Variants in LGALS3 observed in about 807,000 individuals in gnomAD.
LGALS3 encodes the protein galectin-3.
In LGALS3, 18 loss-of-function variants were observed where a neutral mutation model predicts 20.7. The observed-to-expected ratio is 0.87, with a 90% CI of 0.60 to 1.29. The LOEUF (loss-of-function observed/expected upper bound fraction) is 1.29. LGALS3 is among the 50% of genes most tolerant of loss of function. The probability of loss-of-function intolerance (pLI) is 0.00; values close to 1 mark genes in which losing one functional copy is unlikely to be tolerated. For synonymous variants in LGALS3, 112 were observed against 119.6 expected (o/e 0.94, Z 0.42); for missense variants, 315 against 314.7 (o/e 1.00, Z -0.01).
At chr14:55,133,667 C>T (rs527716891) in intron 1 of LGALS3, among the ~76,000 whole-genome samples, 39 of 152,246 alleles carry the variant, frequency 2.6e-4, no homozygotes, top group African/African-American at 9.4e-4. Flanking sequence ...TCTAATGTGT[C>T]GAGACACAAT....
At chr14:55,135,860 C>T (rs1881379381) in intron 1 of LGALS3, among the ~76,000 whole-genome samples, 1 of 152,192 alleles carries the variant, frequency 6.6e-6, no homozygotes, top group South Asian at 2.1e-4. Flanking sequence ...CCACCACACC[C>T]AGCCAATATC....
intron 4 of LGALS3, among the ~76,000 whole-genome samples, chr14:55,140,814 C>CA (rs1336195012): frequency 6.6e-6 from 1 of 152,132 alleles, no homozygotes. Context: ...CATTATAAAT[C>CA]AACCTTTACT....
At chr14:55,141,487 G>A (rs141903952) in intron 4 of LGALS3, among the ~76,000 whole-genome samples, 123 of 152,210 alleles carry the variant, frequency 8.1e-4, no homozygotes, top group Non-Finnish European at 1.4e-3. Flanking sequence ...ACCCAGTTTG[G>A]TATCCTTGTC....
intron 1 of LGALS3, among the ~76,000 whole-genome samples, chr14:55,136,136 A>G (rs181014001): frequency 9.1e-4 from 139 of 152,244 alleles, no homozygotes; most frequent in African/African-American, 3.2e-3. Context: ...TGGAGCCTTG[A>G]CATGGGAAGG....
In LGALS3 at chr14:55,145,172, G is replaced by T. The variant is rs1024970414; in HGVS notation, c.654G>T (p.Leu218Phe). ...AGGTTGCAGTGAATGATGCTCACTT[G>T]TTGCAGTACAATCATCGGGTTAAAA... is the stretch of plus-strand genomic sequence containing the variant. ...HFKVAVNDAH[L>F]LQYNHRVKKL... The change falls in exon 6 of 6, where the codon TTG becomes TTT. Residue 218 changes from leucine (L) to phenylalanine (F), a missense_variant. Leu to Phe is a conservative substitution (Grantham distance 22). Coordinates refer to ENST00000254301, the MANE Select transcript of LGALS3 (RefSeq NM_002306.4). 6.2e-7 allele frequency: 1 copy of T among 1,613,824 alleles called. No individual in the cohort carries two copies. Among genetic ancestry groups the T allele is most frequent in the Admixed American group, 1.7e-5 (1 of 59,986 alleles).
At chr14:55,132,714 CCCA>C (rs1881269174) in intron 1 of LGALS3, among the ~76,000 whole-genome samples, 1 of 151,922 alleles carries the variant, frequency 6.6e-6, no homozygotes, top group South Asian at 2.1e-4. Flanking sequence ...ATTACAGGCG[CCCA>C]CCACCACACC....
intron 5 of LGALS3, among the ~76,000 whole-genome samples, chr14:55,144,073 A>G (rs956792545): frequency 5.3e-5 from 8 of 151,952 alleles, no homozygotes; most frequent in Non-Finnish European, 1.0e-4. Context: ...GATTATCATC[A>G]ATCCTTACAA....
At chr14:55,137,476 T>G in intron 2 of LGALS3, 85 bp downstream of exon 2, 1 of 1,613,594 alleles carries the variant, frequency 6.2e-7, no homozygotes, top group Non-Finnish European at 8.5e-7. Context: ...TGACTTTCCC[T>G]TTTCACTCTC....
At chr14:55,131,398 A>C (rs1307533056) in intron 1 of LGALS3, among the ~76,000 whole-genome samples, 1 of 152,198 alleles carries the variant, frequency 6.6e-6, no homozygotes, top group African/African-American at 2.4e-5. Context: ...TAATTTAGGT[A>C]CCTTTTTACA....
chr14:55,142,452 G>C, intron 4 of LGALS3, 132 bp from the exon 5 acceptor site: 1 of 593,868 alleles, frequency 1.7e-6, no homozygotes, highest in Non-Finnish European at 2.9e-6. Flanking sequence ...TGATTTATTT[G>C]CTTTCCATTC....
chr14:55,145,219 T>A lies in LGALS3; in HGVS notation c.701T>A (p.Leu234Gln). The change falls in exon 6 of 6, where the codon CTG (leucine) becomes CAG (glutamine). Residue 234 changes from leucine (L) to glutamine (Q), a missense_variant. Coordinates refer to ENST00000254301, the MANE Select transcript of LGALS3 (RefSeq NM_002306.4). ...AAAAAACTCAATGAAATCAGCAAACTGGGAATTTCTGGTGACATAGACCTC... is the reference window on the plus strand; with the variant it reads ...AAAAAACTCAATGAAATCAGCAAACAGGGAATTTCTGGTGACATAGACCTC... Reference protein sequence around the residue: ...RVKKLNEISKLGISGDIDLTS... With the variant: ...RVKKLNEISKQGISGDIDLTS... 6.2e-7 allele frequency: 1 copy of A among 1,613,796 alleles called. No individual in the cohort carries two copies. Among genetic ancestry groups the A allele is most frequent in the Non-Finnish European group, 8.5e-7 (1 of 1,179,934 alleles).
intron 5 of LGALS3, among the ~76,000 whole-genome samples, chr14:55,144,534 A>T (rs866552269): frequency 2.6e-4 from 39 of 152,202 alleles, no homozygotes; most frequent in African/African-American, 8.7e-4. Flanking sequence ...CTTTAAAAAA[A>T]AAACCTGAAT....
chr14:55,131,121 C>A (rs1216614553), intron 1 of LGALS3, among the ~76,000 whole-genome samples: 1 of 152,156 alleles, frequency 6.6e-6, no homozygotes, highest in African/African-American at 2.4e-5. Context: ...AGTCCAGATT[C>A]TGGGGAGAAG....
Position 55,142,644 on chromosome 14 carries a change from T to G in LGALS3, c.492T>G (p.Asn164Lys). 1.2e-6 allele frequency: 2 copies of G among 1,613,602 alleles called. No individual in the cohort carries two copies. The highest frequency in any genetic ancestry group is 1.7e-6 in the Non-Finnish European group (2 of 1,179,508). Residue 164 changes from asparagine to lysine, a missense_variant, in exon 5 of 6, where the codon AAT becomes AAG. Physicochemically the swap from Asn to Lys is moderately conservative, Grantham distance 94. Transcript: ENST00000254301. ...CCTTCCACTTTAACCCACGCTTCAA[T>G]GAGAACAACAGGAGAGTCATTGTTT... ...DVAFHFNPRFNENNRRVIVCN... is the reference protein window; with the variant it reads ...DVAFHFNPRFKENNRRVIVCN...
chr14:55,144,728 C>G (rs1881753798), intron 5 of LGALS3, among the ~76,000 whole-genome samples: 1 of 152,016 alleles, frequency 6.6e-6, no homozygotes. Flanking sequence ...CCACAATCAG[C>G]TAATTTTTTG....
At chr14:55,140,057 T>C (rs1881562629) in intron 3 of LGALS3, among the ~76,000 whole-genome samples, 1 of 147,500 alleles carries the variant, frequency 6.8e-6, no homozygotes. Flanking sequence ...GCCGTAGTAA[T>C]GAGATTTACT....
In LGALS3 at chr14:55,138,187, A is replaced by G. The variant is rs1881479560; in HGVS notation, c.161A>G (p.Tyr54Cys). 1.2e-6 allele frequency: 2 copies of G among 1,612,318 alleles called. No individual in the cohort carries two copies. Among genetic ancestry groups the G allele is most frequent in the Admixed American group, 3.3e-5 (2 of 59,846 alleles). Residue 54 changes from tyrosine to cysteine, a missense_variant, in exon 3 of 6, where the codon TAT (tyrosine) becomes TGT (cysteine). By Grantham distance (194) the Tyr-to-Cys change is radical. Transcript: ENST00000254301. ...AYPGQAPPGA[Y>C]PGQAPPGAYP... Reference sequence around the variant, plus strand: ...CCCGGGCAGGCACCCCCAGGGGCTTATCCTGGACAGGCACCTCCAGGCGCC... The same window carrying G: ...CCCGGGCAGGCACCCCCAGGGGCTTGTCCTGGACAGGCACCTCCAGGCGCC...
At chr14:55,138,857 G>C (rs927491676) in intron 3 of LGALS3, among the ~76,000 whole-genome samples, 2 of 152,168 alleles carry the variant, frequency 1.3e-5, no homozygotes, top group Non-Finnish European at 2.9e-5. Context: ...TCTAAGGGTT[G>C]AATTTTCACG....
At chr14:55,141,176 T>C (rs1222480552) in intron 4 of LGALS3, among the ~76,000 whole-genome samples, 1 of 152,182 alleles carries the variant, frequency 6.6e-6, no homozygotes, top group Admixed American at 6.6e-5. Flanking sequence ...TAATTTCACA[T>C]TCAAATGCTC....
Sources: allele counts gnomAD v4.1 joint callset (sites outside exome capture counted in the v4.1 genomes callset), GRCh38; gene constraint gnomAD v4.1.1; transcripts MANE v1.5; gene names NCBI Gene and HGNC (gene_info 2026-07-23, HGNC 2026-07-21).